The following CD99L2 variants were observed in gnomAD, a reference collection of about 807,000 sequenced individuals.
CD99L2 encodes the protein CD99 antigen-like protein 2.
A neutral mutation model predicts 27.3 loss-of-function variants in CD99L2; 24 were observed. The observed-to-expected ratio is 0.88, with a 90% CI of 0.64 to 1.24. CD99L2 has a LOEUF of 1.24. Ranked by LOEUF, CD99L2 falls within the 50% of genes most tolerant of loss-of-function variation. The pLI is 0.00. For missense variants in CD99L2, 255 were observed against 221.6 expected, an observed-to-expected ratio of 1.15 and a Z score of -0.96; for synonymous variants, 97 against 87.9, an observed-to-expected ratio of 1.10 and a Z score of -0.58.
chrX:150,840,243 G>GA (rs1395702607), intron 1 of CD99L2, among the ~76,000 whole-genome samples: 45 of 105,269 alleles, frequency 4.3e-4, no homozygotes, highest in African/African-American at 1.5e-3. Context: ...GAAAAAGAAA[G>GA]AAAAAAAAGA....
chrX:150,898,455 A>T, intron 1 of CD99L2, 67 bp downstream of exon 1: 1 of 924,446 alleles, frequency 1.1e-6, no homozygotes, highest in East Asian at 4.4e-5. Context: ...GCTCATGCGC[A>T]GAGCGACCCC....
Position 150,793,719 on chromosome X carries a change from A to AC in CD99L2, c.467dup (p.Gly157TrpfsTer6). On this transcript the variant is annotated frameshift_variant, in exon 7 of 11. Transcript: ENST00000370377. LOFTEE classifies it high-confidence loss of function. ...TACCCTTGTCAGGTTTGTATTCTCC[A>AC]CCCCCTACTATGTCTTCAAGATCCT... 8.3e-7 allele frequency: 1 copy of AC among 1,197,764 alleles called. No individual in the cohort carries two copies. The highest frequency in any genetic ancestry group is 1.1e-6 in the Non-Finnish European group (1 of 889,363).
chrX:150,770,596 A>G (rs782735233), intron 9 of CD99L2, among the ~76,000 whole-genome samples: 8 of 112,518 alleles, frequency 7.1e-5, no homozygotes, highest in South Asian at 3.7e-4. Context: ...CAGAAATAAC[A>G]ACGACATGCA....
At chrX:150,852,175 C>A (rs2046802601) in intron 1 of CD99L2, among the ~76,000 whole-genome samples, 1 of 111,900 alleles carries the variant, frequency 8.9e-6, no homozygotes, top group South Asian at 3.7e-4. Context: ...TAAAAGGGGC[C>A]AACTCTGGAG....
At chrX:150,883,797 G>A (rs1229275053) in intron 1 of CD99L2, among the ~76,000 whole-genome samples, 1 of 111,902 alleles carries the variant, frequency 8.9e-6, no homozygotes, top group Non-Finnish European at 1.9e-5. Context: ...AGGAAAATGA[G>A]CCAAAGACAA....
At chrX:150,850,171 A>G (rs1557421566) in intron 1 of CD99L2, among the ~76,000 whole-genome samples, 1 of 111,897 alleles carries the variant, frequency 8.9e-6, no homozygotes, top group African/African-American at 3.3e-5. Context: ...ATTGTTGAAC[A>G]TGCCTGATCA....
At chrX:150,861,975 T>C (rs2046986603) in intron 1 of CD99L2, among the ~76,000 whole-genome samples, 1 of 109,028 alleles carries the variant, frequency 9.2e-6, no homozygotes, top group Non-Finnish European at 1.9e-5. Flanking sequence ...CTAGAAAATC[T>C]AGAAGAAATG....
chrX:150,895,045 C>G (rs2047584296), intron 1 of CD99L2, among the ~76,000 whole-genome samples: 1 of 111,586 alleles, frequency 9.0e-6, no homozygotes. Flanking sequence ...TCTCTGGGCC[C>G]CATATTTTTC....
At chrX:150,892,009 C>T (rs902182250) in intron 1 of CD99L2, among the ~76,000 whole-genome samples, 2 of 108,885 alleles carry the variant, frequency 1.8e-5, no homozygotes, top group Non-Finnish European at 3.8e-5. Context: ...CACCTGAGGT[C>T]GAGAGTTGGA....
chrX:150,841,527 T>G (rs2046623304), intron 1 of CD99L2, among the ~76,000 whole-genome samples: 2 of 111,807 alleles, frequency 1.8e-5, no homozygotes, highest in Admixed American at 1.9e-4. Context: ...AAGCCTACCA[T>G]CTCAATGGGT....
chrX:150,894,409 G>A (rs1415621236), intron 1 of CD99L2, among the ~76,000 whole-genome samples: 7 of 111,972 alleles, frequency 6.3e-5, no homozygotes, highest in Admixed American at 1.9e-4. Flanking sequence ...TGAGGAAACC[G>A]TAGCACCGAG....
rs2047659992 is a variant in CD99L2 at position 150,898,654 on chromosome X, G to A, written c.-66C>T. The A allele has an allele frequency of 3.0e-6, 3 of 989,869 alleles. No homozygotes were observed. The highest frequency in any genetic ancestry group is 8.5e-5 in the East Asian group (2 of 23,619). 81.6% of individuals were successfully genotyped at this position (989,869 alleles called of 1,213,427 possible). A position where few individuals can be genotyped will look rare whatever the true frequency, so the allele number is the denominator to read the frequency against. On this transcript the variant is annotated 5_prime_UTR_variant, in exon 1 of 11. Coordinates refer to ENST00000370377, the MANE Select transcript of CD99L2 (RefSeq NM_031462.4). ...CGCGAGAGCGCCCGAAGGGGAGGCC[G>A]AGGAGGAGCGGGAGGAGGAGCCCCG...
intron 2 of CD99L2, chrX:150,818,934 G>T: frequency 2.8e-6 from 1 of 359,901 alleles, no homozygotes. Flanking sequence ...CAGGGTTTAT[G>T]TGCTAGGGTG....
intron 1 of CD99L2, among the ~76,000 whole-genome samples, chrX:150,852,637 A>C (rs1363083804): frequency 9.1e-6 from 1 of 110,172 alleles, no homozygotes; most frequent in Non-Finnish European, 1.9e-5. Context: ...CCCAGCCCCC[A>C]GCAACCACTA....
At chrX:150,878,571 GA>G (rs1244109838) in intron 1 of CD99L2, among the ~76,000 whole-genome samples, 2 of 106,743 alleles carry the variant, frequency 1.9e-5, no homozygotes, top group Non-Finnish European at 3.9e-5. Flanking sequence ...AAAAAAAAAG[GA>G]AAAAAATGTT....
chrX:150,867,665 G>A lies in CD99L2; in HGVS notation c.67+30857C>T, dbSNP rs782194543. On this transcript the variant is annotated intron_variant, in intron 1 of 10. Transcript: ENST00000370377. ...TCCCAGCACTTTGGGAGGCCGAGAC[G>A]GGGGGATCACAAGGTCAGGAGATCA... Among the ~76,000 whole-genome samples, 14 of 110,254 alleles carry A rather than the reference G, an allele frequency of 1.3e-4. No individual in the cohort carries two copies. In the South Asian group the frequency reaches 4.3e-3, roughly 34 times the overall value.
At chrX:150,848,846 A>AC (rs2046746233) in intron 1 of CD99L2, among the ~76,000 whole-genome samples, 1 of 111,190 alleles carries the variant, frequency 9.0e-6, no homozygotes, top group Admixed American at 9.6e-5. Context: ...GTTTTTGGAA[A>AC]GTTTTTTGTG....
intron 1 of CD99L2, among the ~76,000 whole-genome samples, chrX:150,864,453 C>G (rs1393073544): frequency 8.9e-6 from 1 of 112,406 alleles, no homozygotes. Flanking sequence ...AATATGGAAG[C>G]CCATGGGCCC....
chrX:150,879,165 A>G (rs1557422416), intron 1 of CD99L2, among the ~76,000 whole-genome samples: 1 of 111,920 alleles, frequency 8.9e-6, no homozygotes, highest in Admixed American at 9.5e-5. Context: ...CCAGTAGACA[A>G]GAGGGGAAGA....
Sources: gnomAD v4.1 joint callset for allele counts (sites outside exome capture counted in the v4.1 genomes callset) on GRCh38, gnomAD v4.1.1 for gene constraint, MANE v1.5 for transcripts, NCBI Gene and HGNC (gene_info 2026-07-23, HGNC 2026-07-21) for gene names.